Variants in SLC22A6 observed in about 807,000 individuals in gnomAD.
SLC22A6 encodes PAH transporter.
A neutral mutation model predicts 56.7 loss-of-function variants in SLC22A6; 45 were observed. The observed-to-expected ratio is 0.79, with a 90% CI of 0.63 to 1.02. The LOEUF (loss-of-function observed/expected upper bound fraction) is 1.02. SLC22A6 is among the 50% of genes least tolerant of loss of function. The pLI, the probability that SLC22A6 is intolerant of heterozygous loss-of-function variation, is 0.00. For missense variants in SLC22A6, 606 were observed against 713.8 expected (o/e 0.85, Z 1.72); for synonymous variants, 291 against 295.9 (o/e 0.98, Z 0.17).
intron 6 of SLC22A6, 21 bp from the exon 7 acceptor site, chr11:62,979,969 G>A (rs912322486): frequency 9.5e-6 from 15 of 1,586,150 alleles, no homozygotes; most frequent in Admixed American, 1.7e-5. Context: ...GAAGAGAGGA[G>A]TATGGAGTTT....
At chr11:62,984,290 TGGCCCCTG>T in intron 1 of SLC22A6, 24 bp downstream of exon 1, 1 of 1,605,288 alleles carries the variant, frequency 6.2e-7, no homozygotes, top group African/African-American at 1.3e-5. Context: ...CTTCCCATCT[TGGCCCCTG>T]GATGGGGAGC....
chr11:62,984,844 G>A lies in SLC22A6; in HGVS notation c.-154C>T, dbSNP rs1160024478. 1.8e-5 allele frequency: 13 copies of A among 730,924 alleles called. No homozygotes were observed. The highest frequency in any genetic ancestry group is 2.6e-5 in the Non-Finnish European group (12 of 456,034). The allele number at this position is 730,924 out of a possible 1,614,324, so 45.3% of individuals were successfully genotyped here. Reference sequence around the variant, plus strand: ...GGAGCTGAGTCCGAGCTGCTCTGTGGGGGGACAGCAGCCTCCTTGGCTGCT... The same window carrying A: ...GGAGCTGAGTCCGAGCTGCTCTGTGAGGGGACAGCAGCCTCCTTGGCTGCT... On this transcript the variant is annotated 5_prime_UTR_variant, in exon 1 of 10. Coordinates refer to ENST00000360421, the MANE Select transcript of SLC22A6 (RefSeq NM_153276.3).
chr11:62,984,619 C>A lies in SLC22A6; in HGVS notation c.72G>T (p.Val24=), dbSNP rs775628002. 1 of 1,613,610 alleles carries A rather than the reference C, an allele frequency of 6.2e-7. No homozygotes were observed. Among genetic ancestry groups the A allele is most frequent in the South Asian group, 1.1e-5 (1 of 90,980 alleles). The change falls in exon 1 of 10, where the codon GTG becomes GTT. Residue 24 remains valine (V), a synonymous_variant. Coordinates refer to ENST00000360421, the MANE Select transcript of SLC22A6 (RefSeq NM_153276.3). ...GRFQQIQVTL[V]VLPLLLMASH... is the part of the protein sequence containing the mutation. ...AAGCCATCAGGAGCAGGGGGAGGAC[C>A]ACCAGGGTGACCTGGATCTGCTGGA... is the stretch of plus-strand genomic sequence containing the variant.
rs1181510086 is a variant in SLC22A6 at position 62,979,734 on chromosome 11, C to A, written c.1252G>T (p.Asp418Tyr). ...GGCCAAGGTGCTCGTGGGTGCTCAC[C>A]CTGGGGTATCACCCCATTGAGCAGG... ...CILLNGVIPQ[D>Y]QSIVRTSLAV... The change falls in exon 7 of 10, where the codon GAC (aspartate) becomes TAC (tyrosine). Residue 418 changes from aspartate to tyrosine, a missense_variant and splice_region_variant. By Grantham distance (160) the Asp-to-Tyr change is radical. Coordinates refer to ENST00000360421, the MANE Select transcript of SLC22A6 (RefSeq NM_153276.3). 1 of 1,612,792 alleles carries A rather than the reference C, an allele frequency of 6.2e-7. No individual in the cohort carries two copies. The highest frequency in any genetic ancestry group is 1.7e-5 in the Admixed American group (1 of 60,026).
intron 4 of SLC22A6, 124 bp from the exon 5 acceptor site, chr11:62,981,507 C>T (rs67406655): frequency 0.052 from 34,758 of 668,530 alleles, 1,163 homozygotes; most frequent in Middle Eastern, 0.073. Flanking sequence ...AACCCAGGGG[C>T]CTTGCCAAAT....
At chr11:62,978,362 T>TATTTTATTTTATTTTATTTTATTTTA (rs1590672934) in intron 8 of SLC22A6, among the ~76,000 whole-genome samples, 2 of 148,940 alleles carry the variant, frequency 1.3e-5, no homozygotes, top group East Asian at 2.0e-4. Flanking sequence ...TATTTTATTT[T>TATTTTATTTTATTTTATTTTATTTTA]TTTGAGACAG....
intron 9 of SLC22A6, 67 bp downstream of exon 9, chr11:62,977,117 C>G (rs376274056): frequency 6.2e-7 from 1 of 1,611,938 alleles, no homozygotes; most frequent in Non-Finnish European, 8.5e-7. Context: ...GCTTGAGTCT[C>G]AATACCACCC....
At chr11:62,978,867 G>A (rs2086220127) in intron 8 of SLC22A6, among the ~76,000 whole-genome samples, 1 of 152,188 alleles carries the variant, frequency 6.6e-6, no homozygotes, top group Non-Finnish European at 1.5e-5. Context: ...TGGGATTACA[G>A]GCGTGAGCCA....
At chr11:62,981,618 C>A (rs906299544) in intron 4 of SLC22A6, among the ~76,000 whole-genome samples, 26 of 152,314 alleles carry the variant, frequency 1.7e-4, no homozygotes, top group African/African-American at 6.3e-4. Flanking sequence ...GCAGAGCAGG[C>A]AGGCTGGAGA....
At chr11:62,981,192 G>T (rs2086249625) in intron 5 of SLC22A6, 68 bp downstream of exon 5, 2 of 1,605,298 alleles carry the variant, frequency 1.2e-6, no homozygotes, top group South Asian at 1.1e-5. Flanking sequence ...CTGGGCCCTG[G>T]GTCCTGGGTT....
chr11:62,980,902 C>T (rs972823380), intron 6 of SLC22A6, 83 bp downstream of exon 6: 8 of 1,191,808 alleles, frequency 6.7e-6, no homozygotes, highest in Non-Finnish European at 8.2e-6. Flanking sequence ...TTCCTGCCCT[C>T]TTCTCTGGCC....
intron 9 of SLC22A6, 41 bp from the exon 10 acceptor site, chr11:62,976,922 T>A: frequency 6.2e-7 from 1 of 1,607,618 alleles, no homozygotes. Context: ...GTATGCAGCC[T>A]CCAGGCCAGG....
rs544804076 is a variant in SLC22A6 at position 62,979,918 on chromosome 11, C to A, written c.1068G>T (p.Leu356=). 5.0e-5 allele frequency: 81 copies of A among 1,614,078 alleles called. No homozygotes were observed. The East Asian group carries it at 1.6e-3, about 32-fold the overall frequency. ...CTCCAAAGCCCTGCAGGTCCATGAC[C>A]AGCCCATAGTATGCAAAGCTAGTGG... ...WFATSFAYYG[L]VMDLQGFGVS... Residue 356 remains leucine, a synonymous_variant, in exon 7 of 10, where the codon CTG becomes CTT. Transcript: ENST00000360421.
At chr11:62,982,340 C>T (rs568958966) in intron 3 of SLC22A6, among the ~76,000 whole-genome samples, 2 of 152,256 alleles carry the variant, frequency 1.3e-5, no homozygotes, top group African/African-American at 4.8e-5. Flanking sequence ...TTCCTCTGGT[C>T]TTCCTCAGCT....
Position 62,983,818 on chromosome 11 carries a change from G to A in SLC22A6, c.473+126C>T. The A allele has an allele frequency of 1.7e-6, 2 of 1,187,052 alleles. No homozygotes were observed. The highest frequency in any genetic ancestry group is 2.4e-6 in the Non-Finnish European group (2 of 844,552). 73.5% of individuals were successfully genotyped at this position (1,187,052 alleles called of 1,614,324 possible). A position where few individuals can be genotyped will look rare whatever the true frequency, so the allele number is the denominator to read the frequency against. On this transcript the variant is annotated intron_variant, in intron 2 of 9. Transcript: ENST00000360421. This position sits in a 1 kb window ranked among gnomAD's most constrained non-coding sequence, Gnocchi z 4.5. ...CCTTTTGAGGACCTCTGAAGTATGAGGCTGGTGCTGTAGATCCTCAAACCA... is the reference window on the plus strand; with the variant it reads ...CCTTTTGAGGACCTCTGAAGTATGAAGCTGGTGCTGTAGATCCTCAAACCA...
At position 62,984,510 on chromosome 11, in the gene SLC22A6, C is replaced by G. The variant is rs199901321; in HGVS notation, c.181G>C (p.Gly61Arg). ...CGGGGCAGCCAGACCTCCAGCCCCC[C>G]GTTCTTGCTGAGGTTGGCATCGGCA... is the stretch of plus-strand genomic sequence containing the variant. The part of the protein sequence containing the change: ...PPADANLSKN[G>R]GLEVWLPRDR... The change falls in exon 1 of 10, where the codon GGG (glycine) becomes CGG (arginine). Residue 61 changes from glycine (G) to arginine (R), a missense_variant. By Grantham distance (125) the Gly-to-Arg change is moderately radical. Coordinates refer to ENST00000360421, the MANE Select transcript of SLC22A6 (RefSeq NM_153276.3). 8 of 1,613,826 alleles carry G rather than the reference C, an allele frequency of 5.0e-6. No individual in the cohort carries two copies. The East Asian group carries it at 6.7e-5, about 13-fold the overall frequency.
chr11:62,983,921 C>T lies in SLC22A6; in HGVS notation c.473+23G>A, dbSNP rs747130027. 8.3e-6 allele frequency: 13 copies of T among 1,566,418 alleles called. No homozygotes were observed. In the South Asian group the frequency reaches 1.2e-4, roughly 15 times the overall value. Reference sequence around the variant, plus strand: ...CCCCTAATCCCAGCCCAGCCCAGCCCCTTGACCCTACCCAGGACTGACCTG... The same window carrying T: ...CCCCTAATCCCAGCCCAGCCCAGCCTCTTGACCCTACCCAGGACTGACCTG... On this transcript the variant is annotated intron_variant, in intron 2 of 9. Transcript: ENST00000360421. The surrounding 1 kb of genome is among the most constrained non-coding windows in gnomAD (Gnocchi z 4.5).
chr11:62,978,358 A>ATTTTATTTTATTTTATTTTAT (rs2086214018), intron 8 of SLC22A6, among the ~76,000 whole-genome samples: 6 of 139,488 alleles, frequency 4.3e-5, no homozygotes, highest in Non-Finnish European at 9.1e-5. Flanking sequence ...ATTTTATTTT[A>ATTTTATTTTATTTTATTTTAT]TTTTTTTGAG....
chr11:62,980,850 C>T, intron 6 of SLC22A6, 135 bp downstream of exon 6: 1 of 679,874 alleles, frequency 1.5e-6, no homozygotes, highest in Admixed American at 3.0e-5. Context: ...AAGGATGATC[C>T]CTAGTGTGGG....
Sources: gnomAD v4.1 joint callset for allele counts (sites outside exome capture counted in the v4.1 genomes callset) on GRCh38, gnomAD v4.1.1 for gene constraint, Gnocchi (gnomAD v3.1) non-coding constraint, MANE v1.5 for transcripts, NCBI Gene and HGNC (gene_info 2026-07-23, HGNC 2026-07-21) for gene names.